The following PRKCH variants were observed in gnomAD, a reference collection of about 807,000 sequenced individuals.
PRKCH encodes the protein protein kinase C eta.
Under a neutral mutation model 82.5 loss-of-function variants are expected in PRKCH, and 28 were observed. That is an observed-to-expected ratio of 0.34 (90% CI 0.25 to 0.47). The LOEUF is 0.47. Ranked by LOEUF, PRKCH falls within the 20% of genes least tolerant of loss-of-function variation. The probability of loss-of-function intolerance (pLI) is 1.00; values close to 1 mark genes in which losing one functional copy is unlikely to be tolerated. For synonymous variants in PRKCH, 322 were observed against 327.4 expected, an observed-to-expected ratio of 0.98 and a Z score of 0.18; for missense variants, 705 against 881.8, an observed-to-expected ratio of 0.80 and a Z score of 2.54.
chr14:61,322,722 C>T, intron 1 of PRKCH: 1 of 446,412 alleles, frequency 2.2e-6, no homozygotes, highest in East Asian at 3.8e-5. Flanking sequence ...GGAAGTCGGG[C>T]AGGGGTCCAG....
At chr14:61,373,317 A>G (rs992273403) in intron 1 of PRKCH, among the ~76,000 whole-genome samples, 38 of 151,856 alleles carry the variant, frequency 2.5e-4, no homozygotes, top group African/African-American at 9.2e-4. Context: ...AGCAAGCAGC[A>G]TGACGGAGCA....
At chr14:61,319,503 G>A (rs1054120230), upstream of PRKCH, among the ~76,000 whole-genome samples, 1 of 152,056 alleles carries the variant, frequency 6.6e-6, no homozygotes, top group African/African-American at 2.4e-5. Context: ...GTCTGGTATC[G>A]TCATATCCCA....
intron 9 of PRKCH, among the ~76,000 whole-genome samples, chr14:61,473,929 G>A (rs1303943662): frequency 6.6e-6 from 1 of 151,964 alleles, no homozygotes; most frequent in Non-Finnish European, 1.5e-5. Flanking sequence ...GGGAGGCAAA[G>A]GTTGCAGTGA....
intron 1 of PRKCH, chr14:61,304,431 C>T (rs1391398053): frequency 1.3e-5 from 2 of 152,156 alleles, no homozygotes; most frequent in East Asian, 3.8e-4. Flanking sequence ...CCATCACCAC[C>T]GCCCCCAATT....
intron 3 of PRKCH, 71 bp from the exon 4 acceptor site, chr14:61,445,621 T>C (rs1884183300): frequency 7.3e-6 from 10 of 1,363,266 alleles, no homozygotes; most frequent in Non-Finnish European, 1.0e-5. Context: ...ATGAAATTTG[T>C]TTTCCTTAAG....
At chr14:61,198,367 A>G (rs35792525) in intron 1 of PRKCH, among the ~76,000 whole-genome samples, 36,966 of 151,956 alleles carry the variant, frequency 0.24, 4,987 homozygotes, top group Admixed American at 0.37. Flanking sequence ...TCCATCCTCC[A>G]TGCCTTATGT....
intron 1 of PRKCH, among the ~76,000 whole-genome samples, chr14:61,331,221 T>C (rs2045783574): frequency 6.6e-6 from 1 of 152,232 alleles, no homozygotes; most frequent in Non-Finnish European, 1.5e-5. Flanking sequence ...TTAGTTTAGA[T>C]ATATATTTAC....
At chr14:61,459,077 G>C (rs1884914794) in intron 9 of PRKCH, among the ~76,000 whole-genome samples, 1 of 152,148 alleles carries the variant, frequency 6.6e-6, no homozygotes, top group African/African-American at 2.4e-5. Context: ...TTAGAATCAG[G>C]CTCAAAATTG....
At chr14:61,508,822 TTTC>T (rs1887260090) in intron 10 of PRKCH, among the ~76,000 whole-genome samples, 1 of 152,162 alleles carries the variant, frequency 6.6e-6, no homozygotes, top group South Asian at 2.1e-4. Context: ...TTTTGCTAAC[TTTC>T]TTGACTCTCT....
At chr14:61,502,056 TTTTCTTTTC>T (rs1480193064) in intron 10 of PRKCH, among the ~76,000 whole-genome samples, 1 of 91,750 alleles carries the variant, frequency 1.1e-5, no homozygotes, top group African/African-American at 5.0e-5. Context: ...TTTTCTTTTC[TTTTCTTTTC>T]TTTTTTTTTT....
chr14:61,519,152 G>A (rs1415742295), intron 10 of PRKCH, among the ~76,000 whole-genome samples: 1 of 152,082 alleles, frequency 6.6e-6, no homozygotes, highest in East Asian at 1.9e-4. Context: ...GTGTGGTGAT[G>A]TGTGCCTGGA....
chr14:61,386,194 C>T (rs1399339717), intron 1 of PRKCH, among the ~76,000 whole-genome samples: 1 of 152,178 alleles, frequency 6.6e-6, no homozygotes, highest in African/African-American at 2.4e-5. Context: ...TGGTTGTATG[C>T]AGCTGCAGTG....
chr14:61,205,282 A>G (rs761414061), intron 1 of PRKCH, among the ~76,000 whole-genome samples: 1 of 152,236 alleles, frequency 6.6e-6, no homozygotes, highest in South Asian at 2.1e-4. Flanking sequence ...ATAGAGGACC[A>G]AAGGCCTTCA....
intron 1 of PRKCH, among the ~76,000 whole-genome samples, chr14:61,352,692 AAGAAAGAAAG>A (rs1566834049): frequency 2.2e-5 from 2 of 89,170 alleles, no homozygotes; most frequent in African/African-American, 8.6e-5. Context: ...AAGGAAAGGA[AAGAAAGAAAG>A]AAAGAAAGAA....
intron 1 of PRKCH, among the ~76,000 whole-genome samples, chr14:61,234,174 A>T (rs1186496553): frequency 6.6e-6 from 1 of 152,166 alleles, no homozygotes; most frequent in Non-Finnish European, 1.5e-5. Flanking sequence ...GCCAGATGGG[A>T]TGAAGACATA....
intron 1 of PRKCH, among the ~76,000 whole-genome samples, chr14:61,257,643 A>G (rs1002365546): frequency 2.7e-5 from 4 of 150,834 alleles, no homozygotes; most frequent in African/African-American, 9.8e-5. Context: ...CCACACACAC[A>G]CACACACGCA....
At chr14:61,361,042 C>T (rs2055789383) in intron 1 of PRKCH, 1 of 152,198 alleles carries the variant, frequency 6.6e-6, no homozygotes, top group African/African-American at 2.4e-5. Context: ...CAGGTGACTC[C>T]CACCTGGGTG....
At chr14:61,210,030 A>T (rs917605341) in intron 1 of PRKCH, among the ~76,000 whole-genome samples, 1 of 150,430 alleles carries the variant, frequency 6.6e-6, no homozygotes, top group Admixed American at 6.6e-5. Flanking sequence ...CGAGGTCAGG[A>T]GTTCAAGACC....
Position 61,443,190 on chromosome 14 carries a change from C to T in PRKCH, c.507C>T (p.Ile169=), listed in dbSNP as rs140324794. 3.7e-5 allele frequency: 60 copies of T among 1,614,028 alleles called. No individual in the cohort carries two copies. Among genetic ancestry groups the T allele is most frequent in the Admixed American group, 6.7e-5 (4 of 59,990 alleles). ...CTATGCGAAGGCGAGTCCACCAGAT[C>T]AATGGACACAAGTTCATGGCCACGT... ...QRAMRRRVHQ[I]NGHKFMATYL... is the part of the protein sequence containing the mutation. The change falls in exon 3 of 14, where the codon ATC becomes ATT. Residue 169 remains isoleucine, a synonymous_variant. Transcript: ENST00000332981.
Sources: allele counts gnomAD v4.1 joint callset (sites outside exome capture counted in the v4.1 genomes callset), GRCh38; gene constraint gnomAD v4.1.1; transcripts MANE v1.5; gene names NCBI Gene and HGNC (gene_info 2026-07-23, HGNC 2026-07-21).